The following ASIC2 variants were observed in gnomAD, a reference collection of about 807,000 sequenced individuals.
ASIC2 encodes acid-sensing ion channel 2.
A neutral mutation model predicts 57.3 loss-of-function variants in ASIC2; 25 were observed. The observed-to-expected ratio is 0.44, with a 90% CI of 0.32 to 0.61. ASIC2 has a LOEUF of 0.61. ASIC2 is among the 20% of genes least tolerant of loss of function. The probability of loss-of-function intolerance (pLI) is 0.06; values close to 1 mark genes in which losing one functional copy is unlikely to be tolerated. For synonymous variants in ASIC2, 319 were observed against 307.5 expected (o/e 1.04, Z -0.39); for missense variants, 641 against 738.1 (o/e 0.87, Z 1.52).
In ASIC2 at chr17:33,758,385, T is replaced by C. The variant is rs988725205; in HGVS notation, c.555+397593A>G. ...TATTGTATACAGTCCCATTGCATTG[T>C]TTGAACATGTGTATAAAATGTATAG... On this transcript the variant is annotated intron_variant, in intron 1 of 9. Coordinates refer to the ASIC2 transcript ENST00000359872. Among the ~76,000 whole-genome samples the C allele has an allele frequency of 6.6e-5, 10 of 152,216 alleles. No homozygotes were observed. In the East Asian group the frequency reaches 7.7e-4, roughly 12 times the overall value.
At chr17:33,141,977 C>A (rs376229564) in intron 1 of ASIC2, among the ~76,000 whole-genome samples, 2 of 152,114 alleles carry the variant, frequency 1.3e-5, no homozygotes, top group South Asian at 4.2e-4. Flanking sequence ...AAAATGAAAT[C>A]GTATCTATGT....
chr17:33,832,139 A>G (rs1302236365), intron 1 of ASIC2, among the ~76,000 whole-genome samples: 4 of 152,232 alleles, frequency 2.6e-5, no homozygotes, highest in Admixed American at 6.5e-5. Flanking sequence ...AAGAGGAGGG[A>G]GGACCTACAT....
At chr17:33,767,218 T>C (rs949408754) in intron 1 of ASIC2, among the ~76,000 whole-genome samples, 3 of 152,184 alleles carry the variant, frequency 2.0e-5, no homozygotes, top group African/African-American at 7.2e-5. Context: ...TGGACCCCAG[T>C]GAACCTCAGT....
At chr17:33,198,532 G>T (rs1906729635) in intron 1 of ASIC2, among the ~76,000 whole-genome samples, 1 of 152,176 alleles carries the variant, frequency 6.6e-6, no homozygotes, top group African/African-American at 2.4e-5. Context: ...CCACTATAAT[G>T]GTTTCAACCT....
chr17:33,518,327 A>T (rs1321131999), intron 1 of ASIC2, among the ~76,000 whole-genome samples: 2 of 152,168 alleles, frequency 1.3e-5, no homozygotes, highest in Non-Finnish European at 2.9e-5. Context: ...GAGACTGAGA[A>T]ATGCTGCCCA....
chr17:33,016,091 C>T (rs766724049), intron 8 of ASIC2, 52 bp from the exon 9 acceptor site: 1 of 1,573,992 alleles, frequency 6.4e-7, no homozygotes, highest in East Asian at 2.2e-5. Flanking sequence ...GGTGCAGAGG[C>T]AGAAGGGACC....
At chr17:33,572,826 T>C (rs529533690) in intron 1 of ASIC2, among the ~76,000 whole-genome samples, 54 of 152,340 alleles carry the variant, frequency 3.5e-4, no homozygotes, top group African/African-American at 1.3e-3. Context: ...CCCTGCTCCA[T>C]AGCCTGGCCT....
intron 1 of ASIC2, among the ~76,000 whole-genome samples, chr17:33,890,791 G>A (rs1294996858): frequency 8.5e-5 from 13 of 152,172 alleles, no homozygotes; most frequent in Admixed American, 7.2e-4. Flanking sequence ...TCAGGGACAG[G>A]GAGAGTGCTT....
intron 1 of ASIC2, among the ~76,000 whole-genome samples, chr17:33,591,448 C>T (rs879781117): frequency 4.4e-5 from 6 of 136,630 alleles, no homozygotes; most frequent in Non-Finnish European, 7.9e-5. Context: ...CAAGGCTTGG[C>T]TTCTGACCTT....
intron 1 of ASIC2, among the ~76,000 whole-genome samples, chr17:33,387,792 G>A (rs560176741): frequency 8.5e-4 from 129 of 152,292 alleles, no homozygotes; most frequent in African/African-American, 2.8e-3. Context: ...TGCTAAGAGG[G>A]GAGATCTTAA....
rs764562766 is a variant in ASIC2, at chr17:33,023,850, A to T, written c.1349+11T>A. 6.2e-7 allele frequency: 1 copy of T among 1,614,040 alleles called. No homozygotes were observed. The stretch of plus-strand genomic sequence containing the variant: ...CCCCTTCCCCCTGCCTACCATGCCC[A>T]CTAAACTTACGAGATATATTTTTCT... On this transcript the variant is annotated intron_variant, in intron 6 of 9. Transcript: ENST00000225823.
intron 1 of ASIC2, among the ~76,000 whole-genome samples, chr17:33,408,929 C>T (rs56660101): frequency 0.013 from 1,932 of 152,276 alleles, 45 homozygotes; most frequent in African/African-American, 0.043. Context: ...ATATTCCAGT[C>T]CTGGCTGGGC....
intron 6 of ASIC2, 109 bp from the exon 7 acceptor site, chr17:33,021,419 T>A: frequency 1.1e-6 from 1 of 906,136 alleles, no homozygotes; most frequent in Non-Finnish European, 1.6e-6. Context: ...GCCCAGGAAG[T>A]GAGGCAGCTT....
At chr17:33,349,449 C>T (rs1026252819) in intron 1 of ASIC2, among the ~76,000 whole-genome samples, 13 of 152,220 alleles carry the variant, frequency 8.5e-5, no homozygotes, top group African/African-American at 1.7e-4. Flanking sequence ...GGTCACCATT[C>T]GTAAGGCACC....
chr17:33,094,633 C>T (rs146712087), intron 2 of ASIC2, among the ~76,000 whole-genome samples: 38 of 152,272 alleles, frequency 2.5e-4, no homozygotes, highest in South Asian at 8.3e-4. Flanking sequence ...AAGGGAAGGA[C>T]GGACATTGGG....
At chr17:33,021,486 C>T (rs1366724480) in intron 6 of ASIC2, among the ~76,000 whole-genome samples, 176 bp from the exon 7 acceptor site, 1 of 152,254 alleles carries the variant, frequency 6.6e-6, no homozygotes, top group Non-Finnish European at 1.5e-5. Context: ...AGAAGCCTGA[C>T]TCCCAGCCCG....
chr17:33,967,122 T>C (rs1041099202), intron 1 of ASIC2, among the ~76,000 whole-genome samples: 1 of 152,050 alleles, frequency 6.6e-6, no homozygotes, highest in African/African-American at 2.4e-5. Flanking sequence ...TTCTTTGGTG[T>C]CTCTATTTAT....
chr17:33,699,335 G>A (rs1437806000), intron 1 of ASIC2, among the ~76,000 whole-genome samples: 1 of 152,140 alleles, frequency 6.6e-6, no homozygotes, highest in Admixed American at 6.5e-5. Flanking sequence ...CACACATGGG[G>A]TGCCTGCTGA....
chr17:33,678,435 CCACACA>C (rs71144896), intron 1 of ASIC2, among the ~76,000 whole-genome samples: 6,601 of 139,528 alleles, frequency 0.047, 392 homozygotes, highest in African/African-American at 0.13. Context: ...CTGGTTCAAT[CCACACA>C]CACACACACA....
Sources: allele counts gnomAD v4.1 joint callset (sites outside exome capture counted in the v4.1 genomes callset), GRCh38; gene constraint gnomAD v4.1.1; transcripts MANE v1.5; gene names NCBI Gene and HGNC (gene_info 2026-07-23, HGNC 2026-07-21).